The following DAB2IP variants were observed in gnomAD, a reference collection of about 807,000 sequenced individuals.
DAB2IP encodes disabled homolog 2-interacting protein.
DAB2IP carries 28 observed loss-of-function variants against 107.2 expected under a neutral mutation model. The observed-to-expected ratio is 0.26, with a 90% CI of 0.19 to 0.36. DAB2IP has a LOEUF of 0.36. DAB2IP is among the 10% of genes least tolerant of loss of function. DAB2IP has a pLI of 1.00. For missense variants in DAB2IP, 1,400 were observed against 1,644.7 expected (o/e 0.85, Z 2.57); for synonymous variants, 755 against 706.4 (o/e 1.07, Z -1.09).
At position 121,782,805 on chromosome 9, in the gene DAB2IP, G is replaced by A; in HGVS notation, c.*307G>A. The A allele has an allele frequency of 8.2e-7, 1 of 1,219,306 alleles. No individual in the cohort carries two copies. Among genetic ancestry groups the A allele is most frequent in the Non-Finnish European group, 1.0e-6 (1 of 971,094 alleles). The allele number at this position is 1,219,306 out of a possible 1,614,324, so 75.5% of individuals were successfully genotyped here. A position where few individuals can be genotyped will look rare whatever the true frequency, so the allele number is the denominator to read the frequency against. ...ATATGTCTGTTGGTTCCTGAATGTG[G>A]TGTGTCCTTGTCCTCCTGGATCTGG... is the stretch of plus-strand genomic sequence containing the variant. On this transcript the variant is annotated 3_prime_UTR_variant, in exon 16 of 16. Transcript: ENST00000408936. The surrounding 1 kb of genome is among the most constrained non-coding windows in gnomAD (Gnocchi z 6.1).
chr9:121,773,835 A>G (rs1338131262), intron 12 of DAB2IP, among the ~76,000 whole-genome samples: 2 of 151,948 alleles, frequency 1.3e-5, no homozygotes, highest in African/African-American at 2.4e-5. Flanking sequence ...CCCCTCCCAA[A>G]ATGTTTTCAC....
In DAB2IP at chr9:121,685,343, T is replaced by C. The variant is rs547485751; in HGVS notation, c.228+6562T>C. ...GGCCAGGGTGGGGCAAGGATGTTCT[T>C]CGGGGCAGGAGTCTGGGGACAGGGG... On this transcript the variant is annotated intron_variant, in intron 2 of 15. Transcript: ENST00000408936. Among the ~76,000 whole-genome samples the C allele has an allele frequency of 2.6e-5, 4 of 152,278 alleles. No homozygotes were observed. In the South Asian group the frequency reaches 8.3e-4, roughly 32 times the overall value.
chr9:121,734,245 C>T (rs540273424), intron 3 of DAB2IP, among the ~76,000 whole-genome samples: 5 of 149,394 alleles, frequency 3.3e-5, no homozygotes, highest in Admixed American at 1.3e-4. Context: ...GGCGCGGTGG[C>T]GGGCGCCTGT....
rs997395277 is a variant in DAB2IP at position 121,614,343 on chromosome 9, T to C, written c.40+47115T>C. 8.4e-4 allele frequency among the ~76,000 whole-genome samples: 122 copies of C among 144,844 alleles called. 1 individual carries two copies. The highest frequency in any genetic ancestry group is 3.8e-3 in the Admixed American group (56 of 14,550). On this transcript the variant is annotated intron_variant, in intron 1 of 16. Transcript: ENST00000259371. ...CTTTGCACTTCTTTCTTTTCTTTTT[T>C]TTTTTTTTTTTTTTTGAGAGGGAGT...
intron 3 of DAB2IP, among the ~76,000 whole-genome samples, chr9:121,706,455 T>C (rs961631316): frequency 6.6e-6 from 1 of 152,104 alleles, no homozygotes; most frequent in African/African-American, 2.4e-5. Context: ...CCTCCACTTC[T>C]CTCTGAGTTC....
intron 3 of DAB2IP, among the ~76,000 whole-genome samples, chr9:121,716,820 G>T (rs1002993043): frequency 1.3e-5 from 2 of 152,198 alleles, no homozygotes; most frequent in African/African-American, 4.8e-5. Context: ...TGGTAATTCA[G>T]TGCCACACGT....
chr9:121,764,636 G>A (rs950516022), intron 8 of DAB2IP, among the ~76,000 whole-genome samples: 2 of 152,190 alleles, frequency 1.3e-5, no homozygotes, highest in Admixed American at 1.3e-4. Flanking sequence ...CCCCAGAGGA[G>A]CTGCCCAGGT....
chr9:121,598,370 ACGGCTCAAGGAGCCGG>A, intron 1 of DAB2IP: 1 of 56,754 alleles, frequency 1.8e-5, no homozygotes, highest in African/African-American at 6.3e-5. Context: ...CTGAGCCGGG[ACGGCTCAAGGAGCCGG>A]GAGCCCTGCA....
rs1159095870 is a variant in DAB2IP at position 121,734,917 on chromosome 9, C to A, written c.363-22096C>A. On this transcript the variant is annotated intron_variant, in intron 3 of 15. Transcript: ENST00000408936. Reference sequence around the variant, plus strand: ...TGATCATGAAATCAGTGGGAGCAGACCTGGCTTGGAGCCTGCACCCTGGAG... The same window carrying A: ...TGATCATGAAATCAGTGGGAGCAGAACTGGCTTGGAGCCTGCACCCTGGAG... Among the ~76,000 whole-genome samples, 5 of 152,258 alleles carry A rather than the reference C, an allele frequency of 3.3e-5. No homozygotes were observed. In the East Asian group the frequency reaches 9.7e-4, roughly 29 times the overall value.
At chr9:121,778,065 G>GAATATGT (rs1387669595) in intron 14 of DAB2IP, among the ~76,000 whole-genome samples, 1 of 152,178 alleles carries the variant, frequency 6.6e-6, no homozygotes, top group Non-Finnish European at 1.5e-5. Context: ...ATAAACAACA[G>GAATATGT]AATATGTATT....
At position 121,760,270 on chromosome 9, in the gene DAB2IP, A is replaced by G. The variant is rs2118969422; in HGVS notation, c.1001A>G (p.Tyr334Cys). The G allele has an allele frequency of 1.2e-6, 2 of 1,613,864 alleles. No individual in the cohort carries two copies. The highest frequency in any genetic ancestry group is 8.5e-7 in the Non-Finnish European group (1 of 1,180,004). Residue 334 changes from tyrosine (Y) to cysteine (C), a missense_variant, in exon 6 of 16, where the codon TAC becomes TGC. Physicochemically the swap from Tyr to Cys is radical, Grantham distance 194. This residue lies in a region of DAB2IP where 517 missense variants were observed against 748.6 expected (regional missense o/e 0.69). Coordinates refer to ENST00000408936, the Ensembl canonical transcript of DAB2IP. This position sits in a 1 kb window ranked among gnomAD's most constrained non-coding sequence, Gnocchi z 5.9. The stretch of plus-strand genomic sequence containing the variant: ...CCCATGATCCGCATCAAGGCGCGCT[A>G]CCAAACCATCACCATCCTGCCCATG...
intron 1 of DAB2IP, among the ~76,000 whole-genome samples, chr9:121,659,393 C>G (rs1437324616): frequency 6.6e-6 from 1 of 152,184 alleles, no homozygotes; most frequent in Non-Finnish European, 1.5e-5. Context: ...GCAGACAAGT[C>G]ACTGAACATC....
At chr9:121,602,444 A>T (rs1830713484) in intron 1 of DAB2IP, among the ~76,000 whole-genome samples, 3 of 152,038 alleles carry the variant, frequency 2.0e-5, no homozygotes, top group African/African-American at 7.2e-5. Flanking sequence ...TCCAGGCTGG[A>T]GTGTAGTGGT....
At chr9:121,624,934 C>T (rs796738882) in intron 1 of DAB2IP, among the ~76,000 whole-genome samples, 17 of 152,150 alleles carry the variant, frequency 1.1e-4, no homozygotes, top group African/African-American at 2.9e-4. Flanking sequence ...TAGGGGGCTG[C>T]GAGAAGAGCA....
intron 4 of DAB2IP, among the ~76,000 whole-genome samples, chr9:121,758,504 G>A (rs909373248): frequency 1.3e-5 from 2 of 152,290 alleles, no homozygotes; most frequent in South Asian, 2.1e-4. Flanking sequence ...TTGTGGTTCC[G>A]CCTTTAGGGA....
chr9:121,751,854 C>T, intron 3 of DAB2IP: 1 of 901,902 alleles, frequency 1.1e-6, no homozygotes, highest in Non-Finnish European at 1.3e-6. Flanking sequence ...CCTGGCCAAG[C>T]TCCTCTGTAG....
In DAB2IP at chr9:121,772,855, C is replaced by G. The variant is rs762605062; in HGVS notation, c.2327C>G (p.Ala776Gly). 1 of 1,595,574 alleles carries G rather than the reference C, an allele frequency of 6.3e-7. No homozygotes were observed. Residue 776 changes from alanine (A) to glycine (G), a missense_variant, in exon 12 of 16, where the codon GCC (alanine) becomes GGC (glycine). Physicochemically the swap from Ala to Gly is moderately conservative, Grantham distance 60. Coordinates refer to ENST00000408936, the Ensembl canonical transcript of DAB2IP. This position sits in a 1 kb window ranked among gnomAD's most constrained non-coding sequence, Gnocchi z 4.7. ...GACGTCCTCCCCACAGATGGGCAGG[C>G]CGCTGCAGCTCAGCTGGTGGCCGGG...
chr9:121,641,995 T>TTCCCTCTCTCTC (rs1832337933), intron 1 of DAB2IP, among the ~76,000 whole-genome samples: 1 of 34,984 alleles, frequency 2.9e-5, no homozygotes, highest in Admixed American at 3.6e-4. Context: ...TTTCTTTCCT[T>TTCCCTCTCTCTC]TCTCTCTCTC....
chr9:121,575,786 C>A lies in DAB2IP; in HGVS notation c.40+8558C>A, dbSNP rs111837552. Among the ~76,000 whole-genome samples, 85 of 152,248 alleles carry A rather than the reference C, an allele frequency of 5.6e-4. 3 individuals are homozygous for A. Among genetic ancestry groups the A allele is most frequent in the African/African-American group, 1.8e-3 (74 of 41,506 alleles). On this transcript the variant is annotated intron_variant, in intron 1 of 16. Coordinates refer to the DAB2IP transcript ENST00000259371. ...ATACGCCCTGGGCTGCTTAGCCCACCCTGGGCCTTCCAAAGCCAGAGCTGT... is the reference window on the plus strand; with the variant it reads ...ATACGCCCTGGGCTGCTTAGCCCACACTGGGCCTTCCAAAGCCAGAGCTGT...
Sources: gnomAD v4.1 joint callset for allele counts (sites outside exome capture counted in the v4.1 genomes callset) on GRCh38, gnomAD v4.1.1 for gene constraint, gnomAD v4.1.1 regional missense constraint, Gnocchi (gnomAD v3.1) non-coding constraint, MANE v1.5 for transcripts, NCBI Gene and HGNC (gene_info 2026-07-23, HGNC 2026-07-21) for gene names.